Variants in CNTLN observed in about 807,000 individuals in gnomAD.
CNTLN encodes centlein, centrosomal protein.
CNTLN carries 212 observed loss-of-function variants against 180.0 expected under a neutral mutation model. That is an observed-to-expected ratio of 1.18 (90% confidence interval 1.05 to 1.32). CNTLN has a LOEUF of 1.32. Among genes scored for constraint, CNTLN ranks in the 40% most tolerant of loss-of-function variants. The probability of loss-of-function intolerance (pLI) is 0.00; values close to 1 mark genes in which losing one functional copy is unlikely to be tolerated. For synonymous variants in CNTLN, 722 were observed against 563.1 expected (o/e 1.28, Z -3.99); for missense variants, 2,095 against 1,610.9 (o/e 1.30, Z -5.14).
At chr9:17,153,298 G>A (rs1819025502) in intron 2 of CNTLN, among the ~76,000 whole-genome samples, 2 of 152,156 alleles carry the variant, frequency 1.3e-5, no homozygotes, top group South Asian at 2.1e-4. Flanking sequence ...GATACCAGTT[G>A]TTCCTTTCCA....
chr9:17,362,904 A>G (rs1448087785), intron 12 of CNTLN, among the ~76,000 whole-genome samples: 1 of 151,616 alleles, frequency 6.6e-6, no homozygotes, highest in East Asian at 1.9e-4. Context: ...CCATACCCCA[A>G]CAGGCCCCAG....
chr9:17,427,421 T>A (rs1436740500), intron 18 of CNTLN, among the ~76,000 whole-genome samples: 2 of 152,170 alleles, frequency 1.3e-5, no homozygotes, highest in African/African-American at 4.8e-5. Context: ...AAAAAAAATT[T>A]ACCTGTATTT....
intron 14 of CNTLN, among the ~76,000 whole-genome samples, chr9:17,389,766 T>C (rs1825954466): frequency 6.6e-6 from 1 of 152,120 alleles, no homozygotes; most frequent in Non-Finnish European, 1.5e-5. Flanking sequence ...GAAAATAATA[T>C]ATTAACATTT....
chr9:17,148,984 C>A (rs1278212333), intron 2 of CNTLN, among the ~76,000 whole-genome samples: 2 of 152,114 alleles, frequency 1.3e-5, no homozygotes, highest in Admixed American at 6.5e-5. Flanking sequence ...CCACCTCCGA[C>A]AGGACCCAGT....
At chr9:17,140,626 C>T (rs61465989) in intron 1 of CNTLN, among the ~76,000 whole-genome samples, 117 of 151,994 alleles carry the variant, frequency 7.7e-4, no homozygotes, top group African/African-American at 2.6e-3. Flanking sequence ...TTTTTTGTGG[C>T]GATGGGGGTC....
At chr9:17,408,678 G>C (rs1467110609) in intron 15 of CNTLN, among the ~76,000 whole-genome samples, 4 of 152,024 alleles carry the variant, frequency 2.6e-5, no homozygotes, top group African/African-American at 7.2e-5. Context: ...ATGGGCGCCT[G>C]TAGTCCCAGC....
intron 7 of CNTLN, chr9:17,300,941 A>C: frequency 1.0e-6 from 1 of 977,360 alleles, no homozygotes; most frequent in Non-Finnish European, 1.2e-6. Flanking sequence ...TTTATTCTAC[A>C]ACTCTTACAG....
intron 15 of CNTLN, among the ~76,000 whole-genome samples, chr9:17,397,200 C>G (rs1826602144): frequency 6.6e-6 from 1 of 151,992 alleles, no homozygotes; most frequent in African/African-American, 2.4e-5. Context: ...GAAAGAGGTC[C>G]CAATTCAGAC....
chr9:17,222,437 G>T (rs1302738449), intron 2 of CNTLN, among the ~76,000 whole-genome samples: 1 of 152,010 alleles, frequency 6.6e-6, no homozygotes, highest in African/African-American at 2.4e-5. Context: ...TTGAACCATG[G>T]GGGTGGTTTC....
intron 12 of CNTLN, among the ~76,000 whole-genome samples, chr9:17,362,370 C>T (rs367743995): frequency 1.2e-4 from 19 of 152,108 alleles, no homozygotes; most frequent in African/African-American, 4.6e-4. Context: ...GTATGTGTTC[C>T]TCCTATCAAT....
intron 2 of CNTLN, among the ~76,000 whole-genome samples, chr9:17,155,706 G>A (rs564979278): frequency 1.3e-5 from 2 of 152,270 alleles, no homozygotes; most frequent in South Asian, 2.1e-4. Context: ...GGGCTCAGTG[G>A]GGGTGGGACC....
chr9:17,349,135 C>T (rs1486151150), intron 12 of CNTLN, among the ~76,000 whole-genome samples: 1 of 152,148 alleles, frequency 6.6e-6, no homozygotes, highest in African/African-American at 2.4e-5. Context: ...CTCCTGAGCT[C>T]CCTATTCTAT....
intron 8 of CNTLN, among the ~76,000 whole-genome samples, chr9:17,318,314 C>T (rs1362204402): frequency 6.6e-6 from 1 of 152,096 alleles, no homozygotes; most frequent in African/African-American, 2.4e-5. Flanking sequence ...CAGGCGTGAG[C>T]CACCGCGCCG....
intron 7 of CNTLN, among the ~76,000 whole-genome samples, chr9:17,306,524 G>A (rs1818727960): frequency 6.6e-6 from 1 of 152,170 alleles, no homozygotes; most frequent in South Asian, 2.1e-4. Flanking sequence ...TTCCATGAAT[G>A]AATCGGCCTA....
intron 2 of CNTLN, among the ~76,000 whole-genome samples, chr9:17,187,974 T>C (rs1024365420): frequency 6.7e-6 from 1 of 149,344 alleles, no homozygotes; most frequent in African/African-American, 2.4e-5. Flanking sequence ...TACTCTCTAC[T>C]TTGCTCAATA....
At position 17,244,837 on chromosome 9, in the gene CNTLN, C is replaced by G. The variant is rs1247395187; in HGVS notation, c.849+8249C>G. Among the ~76,000 whole-genome samples, 5 of 152,126 alleles carry G rather than the reference C, an allele frequency of 3.3e-5. No individual in the cohort carries two copies. The East Asian group carries it at 9.7e-4, about 29-fold the overall frequency. ...GTCTTTATTTGAGGTTACCATGAGG[C>G]TTGCATGTACTGTTTTATCACCCAT... On this transcript the variant is annotated intron_variant, in intron 5 of 25. Transcript: ENST00000380647.
chr9:17,256,809 C>T lies in CNTLN; in HGVS notation c.850-16924C>T, dbSNP rs1457700065. 4.6e-5 allele frequency among the ~76,000 whole-genome samples: 7 copies of T among 151,694 alleles called. No individual in the cohort carries two copies. The East Asian group carries it at 5.8e-4, about 13-fold the overall frequency. On this transcript the variant is annotated intron_variant, in intron 5 of 25. Coordinates refer to ENST00000380647, the MANE Select transcript of CNTLN (RefSeq NM_017738.4). ...TTATCCAGTTTTCACTGGCCTGTTT[C>T]GATATTTGACTGTTTCTCTCTCTTG...
intron 15 of CNTLN, among the ~76,000 whole-genome samples, chr9:17,397,918 C>T (rs370460377): frequency 9.2e-5 from 14 of 152,088 alleles, no homozygotes; most frequent in African/African-American, 1.9e-4. Flanking sequence ...AATTCTCAAA[C>T]GGCTAGAAAT....
At chr9:17,262,949 G>A (rs1429725575) in intron 5 of CNTLN, among the ~76,000 whole-genome samples, 6 of 151,148 alleles carry the variant, frequency 4.0e-5, no homozygotes, top group Non-Finnish European at 8.8e-5. Flanking sequence ...AAGCTTCTCT[G>A]TGTCTATTGA....
Sources: allele counts gnomAD v4.1 joint callset (sites outside exome capture counted in the v4.1 genomes callset), GRCh38; gene constraint gnomAD v4.1.1; transcripts MANE v1.5; gene names NCBI Gene and HGNC (gene_info 2026-07-23, HGNC 2026-07-21).